MALRD1: variants seen among roughly 807,000 people sequenced by gnomAD.
MALRD1 encodes the protein MAM and LDL receptor class A domain containing 1, also known as MAM and LDL-receptor class A domain-containing protein 1.
MALRD1 carries 247 observed loss-of-function variants against 242.1 expected under a neutral mutation model. The ratio of observed to expected loss-of-function variants is 1.02; its 90% CI spans 0.92 to 1.13. MALRD1 has a LOEUF of 1.13. Among genes scored for constraint, MALRD1 ranks in the 50% most tolerant of loss-of-function variants. The probability of loss-of-function intolerance (pLI) is 0.00; values close to 1 mark genes in which losing one functional copy is unlikely to be tolerated. For missense variants in MALRD1, 2,989 were observed against 2,533.1 expected (o/e 1.18, Z -3.86); for synonymous variants, 995 against 866.6 (o/e 1.15, Z -2.60).
chr10:19,094,955 T>A (rs2131311878), intron 4 of MALRD1, among the ~76,000 whole-genome samples: 1 of 152,322 alleles, frequency 6.6e-6, no homozygotes, highest in South Asian at 2.1e-4. Flanking sequence ...CAAACAAAAT[T>A]TTCCTGTTAA....
At chr10:19,696,377 C>A (rs1395331581) in intron 38 of MALRD1, among the ~76,000 whole-genome samples, 7 of 152,084 alleles carry the variant, frequency 4.6e-5, no homozygotes, top group Non-Finnish European at 8.8e-5. Context: ...ATCTTGAACA[C>A]CTGAGTTTGT....
chr10:19,611,012 G>T (rs1258871132), intron 35 of MALRD1, among the ~76,000 whole-genome samples: 1 of 151,832 alleles, frequency 6.6e-6, no homozygotes, highest in African/African-American at 2.4e-5. Flanking sequence ...GAGAGAACAA[G>T]ATCGAGGAAA....
At position 19,622,904 on chromosome 10, in the gene MALRD1, G is replaced by A. The variant is rs566713691; in HGVS notation, c.6137+6981G>A. Among the ~76,000 whole-genome samples the A allele has an allele frequency of 1.1e-3, 160 of 152,034 alleles. 1 individual carries two copies. Among genetic ancestry groups the A allele is most frequent in the Non-Finnish European group, 1.8e-3 (123 of 67,906 alleles). On this transcript the variant is annotated intron_variant, in intron 36 of 39. Coordinates refer to ENST00000454679, the MANE Select transcript of MALRD1 (RefSeq NM_001142308.3). Reference sequence around the variant, plus strand: ...ATAAAAGATGGCATCTCAAATTTCTGGACAAAGATGAACTTTTTAAAAGGG... The same window carrying A: ...ATAAAAGATGGCATCTCAAATTTCTAGACAAAGATGAACTTTTTAAAAGGG...
chr10:19,722,078 C>T (rs765397894), intron 38 of MALRD1: 1 of 152,178 alleles, frequency 6.6e-6, no homozygotes, highest in Non-Finnish European at 1.5e-5. Context: ...AGGTAAGTAT[C>T]GTTATTCTTT....
chr10:19,266,046 T>G (rs983941230), intron 19 of MALRD1, among the ~76,000 whole-genome samples: 1 of 152,068 alleles, frequency 6.6e-6, no homozygotes, highest in African/African-American at 2.4e-5. Flanking sequence ...TCTTTTCTGG[T>G]TTGCATTTGC....
chr10:19,060,698 A>G (rs1834798301), intron 1 of MALRD1, among the ~76,000 whole-genome samples: 1 of 152,198 alleles, frequency 6.6e-6, no homozygotes, highest in Admixed American at 6.5e-5. Context: ...AATGGTTCTA[A>G]CTTTCCTAGA....
At chr10:19,280,689 ACCTTTATC>A (rs1259664408) in intron 20 of MALRD1, among the ~76,000 whole-genome samples, 13 of 152,172 alleles carry the variant, frequency 8.5e-5, no homozygotes, top group African/African-American at 3.1e-4. Flanking sequence ...TGCAAATGAG[ACCTTTATC>A]CCCTGTGTCC....
intron 22 of MALRD1, 47 bp from the exon 23 acceptor site, chr10:19,327,516 C>A: frequency 7.1e-7 from 1 of 1,406,496 alleles, no homozygotes. Context: ...TTTGCAATTT[C>A]TCAAGATAAA....
intron 26 of MALRD1, among the ~76,000 whole-genome samples, chr10:19,360,223 T>C (rs1844830385): frequency 6.6e-6 from 1 of 152,106 alleles, no homozygotes; most frequent in Admixed American, 6.6e-5. Flanking sequence ...TGATGGTGTA[T>C]ATATTCAGTC....
intron 27 of MALRD1, 43 bp downstream of exon 27, chr10:19,387,816 C>T (rs1589004613): frequency 6.6e-7 from 1 of 1,519,982 alleles, no homozygotes; most frequent in Non-Finnish European, 8.8e-7. Context: ...ATGATTTTCA[C>T]AATGTACATC....
intron 19 of MALRD1, among the ~76,000 whole-genome samples, chr10:19,267,669 A>G (rs553911668): frequency 1.3e-5 from 2 of 152,266 alleles, no homozygotes; most frequent in Admixed American, 1.3e-4. Flanking sequence ...TGGCGTATTC[A>G]TTATACTTGT....
At chr10:19,165,265 A>ATATATATATATATATATATATTTTTTTTT in intron 12 of MALRD1, among the ~76,000 whole-genome samples, 9 of 130,300 alleles carry the variant, frequency 6.9e-5, no homozygotes, top group African/African-American at 2.3e-4. Flanking sequence ...ATATATATAT[A>ATATATATATATATATATATATTTTTTTTT]TTTTGTTTTG....
chr10:19,081,440 A>G (rs1480987098), intron 2 of MALRD1, among the ~76,000 whole-genome samples: 2 of 152,132 alleles, frequency 1.3e-5, no homozygotes, highest in African/African-American at 2.4e-5. Flanking sequence ...AGCCATAAAA[A>G]GGAATGAGAT....
intron 36 of MALRD1, among the ~76,000 whole-genome samples, chr10:19,650,569 A>G (rs1427080744): frequency 6.6e-6 from 1 of 152,220 alleles, no homozygotes; most frequent in Non-Finnish European, 1.5e-5. Context: ...AATAGGAAAT[A>G]TGTAGAGTAA....
intron 19 of MALRD1, among the ~76,000 whole-genome samples, chr10:19,269,901 C>T (rs916392066): frequency 1.3e-5 from 2 of 152,194 alleles, no homozygotes; most frequent in Non-Finnish European, 2.9e-5. Context: ...TGAATTGTCT[C>T]TACTTTTCCT....
intron 29 of MALRD1, among the ~76,000 whole-genome samples, chr10:19,480,249 T>C (rs531619132): frequency 7.0e-4 from 107 of 152,336 alleles, no homozygotes; most frequent in Non-Finnish European, 1.4e-3. Context: ...GTGTCTGATA[T>C]GTTGCGGAGA....
chr10:19,228,599 A>G (rs10827096), intron 18 of MALRD1, among the ~76,000 whole-genome samples: 30,243 of 152,096 alleles, frequency 0.2, 3,222 homozygotes, highest in East Asian at 0.35. Flanking sequence ...CATTAGTTGC[A>G]GAGCAGGAGT....
chr10:19,110,494 G>A (rs1413379169), intron 5 of MALRD1, among the ~76,000 whole-genome samples: 2 of 152,180 alleles, frequency 1.3e-5, no homozygotes, highest in Non-Finnish European at 2.9e-5. Context: ...CTCAAACCTA[G>A]AAGTAAATAA....
At chr10:19,529,918 A>G (rs1322343568) in intron 31 of MALRD1, among the ~76,000 whole-genome samples, 2 of 152,082 alleles carry the variant, frequency 1.3e-5, no homozygotes, top group Non-Finnish European at 2.9e-5. Flanking sequence ...AGAAGACAAA[A>G]CATAGAATAT....
Sources: gnomAD v4.1 joint callset for allele counts (sites outside exome capture counted in the v4.1 genomes callset) on GRCh38, gnomAD v4.1.1 for gene constraint, MANE v1.5 for transcripts, NCBI Gene and HGNC (gene_info 2026-07-23, HGNC 2026-07-21) for gene names.